NCALD: variants seen among roughly 807,000 people sequenced by gnomAD.
NCALD encodes the protein neurocalcin-delta.
Under a neutral mutation model 18.6 loss-of-function variants are expected in NCALD, and 10 were observed. That is an observed-to-expected ratio of 0.54 (90% CI 0.33 to 0.91). The LOEUF (loss-of-function observed/expected upper bound fraction) is 0.91. Ranked by LOEUF, NCALD falls within the 40% of genes least tolerant of loss-of-function variation. The probability of loss-of-function intolerance (pLI) is 0.03; values close to 1 mark genes in which losing one functional copy is unlikely to be tolerated. For synonymous variants in NCALD, 88 were observed against 87.4 expected (o/e 1.01, Z -0.04); for missense variants, 184 against 247.6 (o/e 0.74, Z 1.72).
intron 1 of NCALD, among the ~76,000 whole-genome samples, chr8:102,112,415 T>G (rs1825668874): frequency 2.6e-5 from 4 of 152,176 alleles, no homozygotes; most frequent in Admixed American, 2.6e-4. Flanking sequence ...AACAACAGAT[T>G]GCCTCCACAT....
At chr8:102,067,613 T>C (rs892423744) in intron 1 of NCALD, among the ~76,000 whole-genome samples, 3 of 152,198 alleles carry the variant, frequency 2.0e-5, no homozygotes, top group Non-Finnish European at 4.4e-5. Context: ...TTTTGAAGAA[T>C]GGGAGAATGT....
At chr8:102,061,622 C>T (rs1823852458) in intron 1 of NCALD, among the ~76,000 whole-genome samples, 1 of 151,836 alleles carries the variant, frequency 6.6e-6, no homozygotes, top group Non-Finnish European at 1.5e-5. Flanking sequence ...CTGCTGATTC[C>T]CAATAGTCCT....
chr8:101,895,103 A>G (rs936100852), intron 3 of NCALD, among the ~76,000 whole-genome samples: 16 of 150,864 alleles, frequency 1.1e-4, no homozygotes, highest in African/African-American at 4.0e-4. Flanking sequence ...ACATTGATGC[A>G]AAAATCCTCA....
At chr8:102,095,115 T>G (rs1825048106) in intron 1 of NCALD, among the ~76,000 whole-genome samples, 1 of 152,184 alleles carries the variant, frequency 6.6e-6, no homozygotes, top group Non-Finnish European at 1.5e-5. Flanking sequence ...CAATAACGTA[T>G]GTTTTGTTGA....
intron 3 of NCALD, among the ~76,000 whole-genome samples, chr8:101,913,157 C>G (rs1040865349): frequency 6.6e-6 from 1 of 152,202 alleles, no homozygotes; most frequent in Admixed American, 6.5e-5. Context: ...AAGCTGTACT[C>G]AGACTCCTGA....
At chr8:101,768,734 AAAG>A (rs1370456537) in intron 1 of NCALD, among the ~76,000 whole-genome samples, 22 of 151,582 alleles carry the variant, frequency 1.5e-4, no homozygotes, top group African/African-American at 3.4e-4. Flanking sequence ...AAAAAAAAAA[AAAG>A]AAAGAAAGCA....
chr8:101,870,977 AT>A (rs1586666086), intron 4 of NCALD, among the ~76,000 whole-genome samples: 1 of 148,322 alleles, frequency 6.7e-6, no homozygotes, highest in East Asian at 2.0e-4. Context: ...AAAAAATGTA[AT>A]TTTAGATGAA....
At chr8:101,841,303 C>T (rs1814633936) in intron 4 of NCALD, among the ~76,000 whole-genome samples, 1 of 152,150 alleles carries the variant, frequency 6.6e-6, no homozygotes, top group Non-Finnish European at 1.5e-5. Context: ...GAGAACATCA[C>T]GTACATGTGT....
At chr8:101,766,484 C>T (rs780932329) in intron 1 of NCALD, among the ~76,000 whole-genome samples, 1 of 152,142 alleles carries the variant, frequency 6.6e-6, no homozygotes, top group African/African-American at 2.4e-5. Flanking sequence ...GATCCCTAAC[C>T]TGAGCTTCTA....
intron 1 of NCALD, among the ~76,000 whole-genome samples, chr8:101,785,521 T>C (rs573540317): frequency 1.3e-4 from 20 of 152,266 alleles, no homozygotes; most frequent in Admixed American, 1.3e-3. Context: ...CCTGGAGGAC[T>C]GTGTGGAGCA....
At chr8:101,920,658 A>G (rs1353954954) in intron 2 of NCALD, among the ~76,000 whole-genome samples, 1 of 152,224 alleles carries the variant, frequency 6.6e-6, no homozygotes, top group African/African-American at 2.4e-5. Context: ...GTTCTCACTT[A>G]TAAGTGGGAG....
At chr8:101,829,013 A>G (rs1206277376) in intron 4 of NCALD, among the ~76,000 whole-genome samples, 2 of 152,124 alleles carry the variant, frequency 1.3e-5, no homozygotes, top group Non-Finnish European at 2.9e-5. Context: ...AGAGTGTTAT[A>G]GGATTGCAGA....
chr8:101,752,185 T>C (rs532437218), intron 1 of NCALD, among the ~76,000 whole-genome samples: 52 of 152,188 alleles, frequency 3.4e-4, no homozygotes, highest in African/African-American at 1.3e-3. Flanking sequence ...AATTCATCCA[T>C]AAAAAATGCA....
chr8:101,979,093 C>A (rs1820525485), intron 2 of NCALD, among the ~76,000 whole-genome samples: 1 of 152,114 alleles, frequency 6.6e-6, no homozygotes, highest in Non-Finnish European at 1.5e-5. Context: ...GAGAGCCAAA[C>A]CCCAGAGAAG....
chr8:102,059,576 T>C (rs1823769048), intron 1 of NCALD, among the ~76,000 whole-genome samples: 1 of 152,176 alleles, frequency 6.6e-6, no homozygotes, highest in African/African-American at 2.4e-5. Flanking sequence ...ATTAGTAAAA[T>C]ATCAAAATAG....
intron 4 of NCALD, among the ~76,000 whole-genome samples, chr8:101,861,881 C>G (rs1815558030): frequency 6.6e-6 from 1 of 152,186 alleles, no homozygotes; most frequent in South Asian, 2.1e-4. Flanking sequence ...TGGGTCTCGA[C>G]TTCATGTCCA....
At chr8:102,093,350 A>T (rs1370984778) in intron 1 of NCALD, among the ~76,000 whole-genome samples, 1 of 152,210 alleles carries the variant, frequency 6.6e-6, no homozygotes, top group African/African-American at 2.4e-5. Flanking sequence ...GGGGGTTATC[A>T]AATGCATTGA....
chr8:101,691,835 T>A, intron 3 of NCALD: 1 of 985,294 alleles, frequency 1.0e-6, no homozygotes, highest in Non-Finnish European at 1.2e-6. Context: ...CAGCGCCAGG[T>A]GGGGGACCCA....
chr8:101,689,637 A>G lies in NCALD; in HGVS notation c.485-231T>C, dbSNP rs1370062716. ...TTAGGACAGTACATGTGGCAATCAA[A>G]CGCCGCTGCCTGAGAGCCCACTGTG... On this transcript the variant is annotated intron_variant, in intron 3 of 3. Coordinates refer to ENST00000220931, the MANE Select transcript of NCALD (RefSeq NM_032041.3). This position sits in a 1 kb window ranked among gnomAD's most constrained non-coding sequence, Gnocchi z 4.4. Among the ~76,000 whole-genome samples the G allele has an allele frequency of 3.3e-5, 5 of 152,220 alleles. No individual in the cohort carries two copies. Among genetic ancestry groups the G allele is most frequent in the Non-Finnish European group, 1.5e-5 (1 of 68,036 alleles).
Sources: gnomAD v4.1 joint callset for allele counts (sites outside exome capture counted in the v4.1 genomes callset) on GRCh38, gnomAD v4.1.1 for gene constraint, Gnocchi (gnomAD v3.1) non-coding constraint, MANE v1.5 for transcripts, NCBI Gene and HGNC (gene_info 2026-07-23, HGNC 2026-07-21) for gene names.